Variants in CLSTN2 observed in about 807,000 individuals in gnomAD.
CLSTN2 encodes the protein calsyntenin 2, also known as calsyntenin-2.
Under a neutral mutation model 101.2 loss-of-function variants are expected in CLSTN2, and 48 were observed. The ratio of observed to expected loss-of-function variants is 0.47; its 90% CI spans 0.38 to 0.60. CLSTN2 has a LOEUF of 0.60. CLSTN2 is among the 20% of genes least tolerant of loss of function. The pLI is 0.00. For synonymous variants in CLSTN2, 481 were observed against 463.6 expected, an observed-to-expected ratio of 1.04 and a Z score of -0.48; for missense variants, 1,160 against 1,238.2, an observed-to-expected ratio of 0.94 and a Z score of 0.95.
At chr3:139,950,464 T>C (rs1935278163) in intron 1 of CLSTN2, among the ~76,000 whole-genome samples, 1 of 152,186 alleles carries the variant, frequency 6.6e-6, no homozygotes, top group African/African-American at 2.4e-5. Flanking sequence ...CAAGATAGAA[T>C]AGACCATTTT....
intron 2 of CLSTN2, among the ~76,000 whole-genome samples, chr3:140,240,674 T>C (rs761353649): frequency 1.3e-5 from 2 of 152,166 alleles, no homozygotes; most frequent in African/African-American, 4.8e-5. Flanking sequence ...AGGACTTTGC[T>C]GAAGCTAGGT....
At chr3:140,527,403 G>A (rs479568) in intron 8 of CLSTN2, among the ~76,000 whole-genome samples, 23,388 of 151,982 alleles carry the variant, frequency 0.15, 2,139 homozygotes, top group East Asian at 0.35. Flanking sequence ...AGTCAGAATG[G>A]CAATTATTAA....
At chr3:140,405,514 A>G (rs761997143) in intron 4 of CLSTN2, among the ~76,000 whole-genome samples, 2 of 152,196 alleles carry the variant, frequency 1.3e-5, no homozygotes, top group Non-Finnish European at 2.9e-5. Flanking sequence ...GGCGTGAGCC[A>G]CTGTGCCTGG....
At chr3:139,978,751 T>C (rs1935865072) in intron 1 of CLSTN2, among the ~76,000 whole-genome samples, 1 of 150,136 alleles carries the variant, frequency 6.7e-6, no homozygotes, top group Admixed American at 6.7e-5. Flanking sequence ...TCTTCCAAAG[T>C]AGAAAGTCAA....
intron 2 of CLSTN2, among the ~76,000 whole-genome samples, chr3:140,250,504 A>G (rs1381704289): frequency 6.6e-6 from 1 of 152,208 alleles, no homozygotes; most frequent in East Asian, 1.9e-4. Context: ...AAATGTGAAC[A>G]ATCTATTTCA....
chr3:140,250,475 A>G (rs2086554039), intron 2 of CLSTN2, among the ~76,000 whole-genome samples: 1 of 152,218 alleles, frequency 6.6e-6, no homozygotes, highest in African/African-American at 2.4e-5. Flanking sequence ...CTAATGTTTC[A>G]TGAAGTTTTC....
At chr3:140,537,935 G>T (rs1935389930) in intron 9 of CLSTN2, among the ~76,000 whole-genome samples, 1 of 152,162 alleles carries the variant, frequency 6.6e-6, no homozygotes, top group African/African-American at 2.4e-5. Flanking sequence ...GAGCCCTGGG[G>T]TTTCCAGGAG....
chr3:140,217,701 T>A (rs2010937468), intron 2 of CLSTN2, among the ~76,000 whole-genome samples: 1 of 152,170 alleles, frequency 6.6e-6, no homozygotes, highest in Non-Finnish European at 1.5e-5. Flanking sequence ...CTAATAACCT[T>A]CCCTTCCCTT....
intron 1 of CLSTN2, among the ~76,000 whole-genome samples, chr3:140,018,245 C>T (rs555734843): frequency 1.8e-4 from 27 of 152,272 alleles, no homozygotes; most frequent in Admixed American, 9.2e-4. Flanking sequence ...TTCATATTTA[C>T]TTAATGGTCA....
At chr3:140,204,974 T>A (rs1374373376) in intron 2 of CLSTN2, among the ~76,000 whole-genome samples, 1 of 151,886 alleles carries the variant, frequency 6.6e-6, no homozygotes, top group South Asian at 2.1e-4. Flanking sequence ...CTTGAGGGGC[T>A]CAAATATGAA....
intron 2 of CLSTN2, among the ~76,000 whole-genome samples, chr3:140,214,679 A>G (rs1386653540): frequency 6.6e-6 from 1 of 152,162 alleles, no homozygotes; most frequent in Non-Finnish European, 1.5e-5. Context: ...TAGCATCTCC[A>G]AGGATTGCTT....
intron 2 of CLSTN2, among the ~76,000 whole-genome samples, chr3:140,178,839 C>T (rs547188221): frequency 2.7e-4 from 41 of 152,326 alleles, no homozygotes; most frequent in Non-Finnish European, 2.1e-4. Context: ...CCTCGCTTAT[C>T]AGCTGCTTTT....
chr3:140,527,843 C>T (rs1235938608), intron 8 of CLSTN2, among the ~76,000 whole-genome samples: 2 of 151,978 alleles, frequency 1.3e-5, no homozygotes, highest in Non-Finnish European at 2.9e-5. Context: ...CGTATTTTTT[C>T]ACTTATAAGT....
At chr3:140,480,750 A>G (rs1190176404) in intron 8 of CLSTN2, among the ~76,000 whole-genome samples, 1 of 152,178 alleles carries the variant, frequency 6.6e-6, no homozygotes, top group Non-Finnish European at 1.5e-5. Flanking sequence ...TCTTCTTTTG[A>G]GAAGTGTCTG....
At chr3:140,292,637 C>T (rs1234701660) in intron 2 of CLSTN2, among the ~76,000 whole-genome samples, 1 of 152,192 alleles carries the variant, frequency 6.6e-6, no homozygotes, top group Non-Finnish European at 1.5e-5. Context: ...AGTCAGAAAA[C>T]TTGGATGTAA....
intron 5 of CLSTN2, among the ~76,000 whole-genome samples, chr3:140,440,300 T>G (rs969957188): frequency 2.0e-5 from 3 of 152,244 alleles, no homozygotes; most frequent in Non-Finnish European, 2.9e-5. Flanking sequence ...CACTTTCATT[T>G]TGTAGTTAAT....
intron 2 of CLSTN2, among the ~76,000 whole-genome samples, chr3:140,237,757 G>GT (rs201005849): frequency 3.3e-5 from 5 of 152,016 alleles, no homozygotes; most frequent in East Asian, 3.9e-4. Flanking sequence ...GCAGTGTTCT[G>GT]TTTTTTTAAG....
intron 2 of CLSTN2, among the ~76,000 whole-genome samples, chr3:140,379,625 A>G (rs543150160): frequency 6.9e-4 from 105 of 152,278 alleles, no homozygotes; most frequent in Non-Finnish European, 1.2e-3. Context: ...ATAGCAAAAC[A>G]CAGCATCAAT....
Position 140,574,062 on chromosome 3 carries a change from A to T in CLSTN2, c.*7809A>T, listed in dbSNP as rs1181157305. ...CTACCGACTTAGCTATTGTGGCACC[A>T]CGGGAGCCTAGCACTGCACCTGGCC... On this transcript the variant is annotated 3_prime_UTR_variant, in exon 17 of 17. Transcript: ENST00000458420. 1 of 152,220 alleles carries T rather than the reference A, an allele frequency of 6.6e-6. No homozygotes were observed. Among genetic ancestry groups the T allele is most frequent in the African/African-American group, 2.4e-5 (1 of 41,448 alleles). The allele number at this position is 152,220 out of a possible 1,614,324, so 9.4% of individuals were successfully genotyped here. A position where few individuals can be genotyped will look rare whatever the true frequency, so the allele number is the denominator to read the frequency against.
Sources: gnomAD v4.1 joint callset for allele counts (sites outside exome capture counted in the v4.1 genomes callset) on GRCh38, gnomAD v4.1.1 for gene constraint, MANE v1.5 for transcripts, NCBI Gene and HGNC (gene_info 2026-07-23, HGNC 2026-07-21) for gene names.